FGF13: variants seen among roughly 807,000 people sequenced by gnomAD.
FGF13 encodes fibroblast growth factor 13, also known as fibroblast growth factor homologous factor 2.
FGF13 carries 2 observed loss-of-function variants against 19.5 expected under a neutral mutation model. The observed-to-expected ratio is 0.10, with a 90% CI of 0.04 to 0.32. FGF13 has a LOEUF of 0.32. Ranked by LOEUF, FGF13 falls within the 10% of genes least tolerant of loss-of-function variation. FGF13 has a pLI of 1.00. For missense variants in FGF13, 113 were observed against 192.7 expected, an observed-to-expected ratio of 0.59 and a Z score of 2.45; for synonymous variants, 72 against 76.9, an observed-to-expected ratio of 0.94 and a Z score of 0.33.
chrX:138,677,386 A>C (rs961951760), intron 3 of FGF13, among the ~76,000 whole-genome samples: 1 of 110,002 alleles, frequency 9.1e-6, no homozygotes, highest in East Asian at 2.9e-4. Context: ...CAGAGTGAAC[A>C]GGCAACCTAC....
intron 1 of FGF13, among the ~76,000 whole-genome samples, chrX:138,967,336 G>T (rs768400216): frequency 9.0e-6 from 1 of 111,147 alleles, no homozygotes; most frequent in Admixed American, 9.6e-5. Flanking sequence ...TACCCTTTGC[G>T]GTTCTTCCTG....
At chrX:139,015,227 G>A (rs1161875333) in intron 1 of FGF13, among the ~76,000 whole-genome samples, 5 of 110,956 alleles carry the variant, frequency 4.5e-5, no homozygotes, top group Non-Finnish European at 7.6e-5. Context: ...GCAATCAGAC[G>A]AGAGAAAGAA....
intron 1 of FGF13, among the ~76,000 whole-genome samples, chrX:139,081,237 T>C (rs976099093): frequency 2.4e-4 from 27 of 111,397 alleles, no homozygotes; most frequent in Non-Finnish European, 4.5e-4. Context: ...ACCTTTATAT[T>C]GTACAACTCT....
intron 1 of FGF13, among the ~76,000 whole-genome samples, chrX:139,122,352 T>G (rs188204085): frequency 9.0e-6 from 1 of 111,564 alleles, no homozygotes; most frequent in Non-Finnish European, 1.9e-5. Context: ...CCAGAACACA[T>G]AGAAGTAAAG....
intron 1 of FGF13, among the ~76,000 whole-genome samples, chrX:138,958,984 A>C (rs2124300122): frequency 9.0e-6 from 1 of 111,550 alleles, no homozygotes; most frequent in Admixed American, 9.5e-5. Flanking sequence ...TCCTGGATTC[A>C]CTGATTTTTT....
At chrX:138,667,758 C>A in intron 3 of FGF13, 1 of 367,075 alleles carries the variant, frequency 2.7e-6, no homozygotes, top group South Asian at 2.5e-5. Flanking sequence ...AGTAAGAATA[C>A]AGATAGAGTG....
intron 1 of FGF13, among the ~76,000 whole-genome samples, chrX:138,987,192 T>C (rs2091997809): frequency 1.8e-5 from 2 of 112,386 alleles, no homozygotes; most frequent in South Asian, 7.4e-4. Context: ...TCCATAAAGG[T>C]AGCAGCAGTG....
intron 1 of FGF13, among the ~76,000 whole-genome samples, chrX:139,068,513 T>C (rs2092364968): frequency 9.2e-6 from 1 of 109,214 alleles, no homozygotes; most frequent in South Asian, 4.1e-4. Context: ...TTTTTTCCAA[T>C]TCTGTGAAGA....
In FGF13 at chrX:138,624,061, AT is replaced by A. The variant is rs2089035874; in HGVS notation, c.*8788del. 1 of 112,133 alleles carries A rather than the reference AT, an allele frequency of 8.9e-6. No individual in the cohort carries two copies. The highest frequency in any genetic ancestry group is 3.2e-5 in the African/African-American group (1 of 30,879). 9.2% of individuals were successfully genotyped at this position (112,133 alleles called of 1,213,427 possible). On this transcript the variant is annotated 3_prime_UTR_variant, in exon 5 of 5. Transcript: ENST00000315930. The stretch of plus-strand genomic sequence containing the variant: ...CAAGCACTATCAAAATCTTAATATA[AT>A]TTTTTACAGAAATAGAAAAAAAATT...
At chrX:139,101,691 A>G (rs749875862) in intron 1 of FGF13, among the ~76,000 whole-genome samples, 2 of 112,637 alleles carry the variant, frequency 1.8e-5, no homozygotes, top group South Asian at 7.3e-4. Context: ...GTGAAAATAC[A>G]GATTTTTAAA....
chrX:138,725,256 G>C (rs1438667149), intron 1 of FGF13, among the ~76,000 whole-genome samples: 1 of 111,139 alleles, frequency 9.0e-6, no homozygotes, highest in Non-Finnish European at 1.9e-5. Context: ...GTAAAATAAG[G>C]CCTATTTTTC....
intron 3 of FGF13, among the ~76,000 whole-genome samples, chrX:138,833,020 C>T (rs9743835): frequency 1.1e-3 from 125 of 111,516 alleles, no homozygotes; most frequent in Non-Finnish European, 2.0e-3. Flanking sequence ...CATTGGTCTA[C>T]GTGTCTATTT....
chrX:138,758,526 G>A (rs1468220614), intron 3 of FGF13, among the ~76,000 whole-genome samples: 3 of 110,346 alleles, frequency 2.7e-5, no homozygotes, highest in Non-Finnish European at 3.8e-5. Flanking sequence ...CTGGATCTTC[G>A]ACCCTCTCTT....
chrX:138,717,236 C>T (rs939349056), intron 1 of FGF13, among the ~76,000 whole-genome samples: 18 of 111,433 alleles, frequency 1.6e-4, no homozygotes, highest in African/African-American at 4.2e-4. Flanking sequence ...CTTTCTGGGG[C>T]GGAGGTTTCT....
At chrX:139,137,146 C>G (rs57853320) in intron 1 of FGF13, among the ~76,000 whole-genome samples, 2,151 of 112,127 alleles carry the variant, frequency 0.019, 50 homozygotes, top group African/African-American at 0.066. Context: ...GAAACAAGCT[C>G]AGAGAGGCTA....
chrX:138,856,073 T>A (rs2091256015), downstream of FGF13, among the ~76,000 whole-genome samples: 1 of 110,836 alleles, frequency 9.0e-6, no homozygotes, highest in Non-Finnish European at 1.9e-5. Context: ...GGTTAAAATT[T>A]TTTTGTTTCA....
chrX:138,745,942 C>T (rs928705261), intron 3 of FGF13, among the ~76,000 whole-genome samples: 2 of 111,938 alleles, frequency 1.8e-5, no homozygotes, highest in Non-Finnish European at 3.8e-5. Flanking sequence ...AAACTTCACA[C>T]AGCAGGTGAT....
At chrX:138,939,443 G>A (rs2091747790) in intron 1 of FGF13, among the ~76,000 whole-genome samples, 2 of 111,781 alleles carry the variant, frequency 1.8e-5, no homozygotes, top group South Asian at 7.5e-4. Flanking sequence ...TTAGGTTTAG[G>A]AGTGTACATC....
chrX:139,006,688 G>A (rs1340388661), intron 1 of FGF13, among the ~76,000 whole-genome samples: 2 of 111,865 alleles, frequency 1.8e-5, no homozygotes, highest in East Asian at 2.8e-4. Context: ...GTTAAAAAGT[G>A]GGGGGATGAA....
Sources: allele counts gnomAD v4.1 joint callset (sites outside exome capture counted in the v4.1 genomes callset), GRCh38; gene constraint gnomAD v4.1.1; transcripts MANE v1.5; gene names NCBI Gene and HGNC (gene_info 2026-07-23, HGNC 2026-07-21).